Variants in PAPPA observed in about 807,000 individuals in gnomAD.
PAPPA encodes pappalysin 1.
In PAPPA, 60 loss-of-function variants were observed where a neutral mutation model predicts 164.0. The ratio of observed to expected loss-of-function variants is 0.37; its 90% CI spans 0.30 to 0.45. The LOEUF (loss-of-function observed/expected upper bound fraction) is 0.45. Among genes scored for constraint, PAPPA ranks in the 20% least tolerant of loss-of-function variants. The probability of loss-of-function intolerance (pLI) is 1.00; values close to 1 mark genes in which losing one functional copy is unlikely to be tolerated. For missense variants in PAPPA, 1,782 were observed against 2,087.3 expected (o/e 0.85, Z 2.85); for synonymous variants, 875 against 814.1 (o/e 1.07, Z -1.27).
rs189808358 is a variant in PAPPA at position 116,401,213 on chromosome 9, T to C, written c.*4597T>C. 1.3e-3 allele frequency: 193 copies of C among 152,696 alleles called. No homozygotes were observed. Among genetic ancestry groups the C allele is most frequent in the African/African-American group, 4.0e-3 (168 of 41,580 alleles). The allele number at this position is 152,696 out of a possible 1,614,324, so 9.5% of individuals were successfully genotyped here. A position where few individuals can be genotyped will look rare whatever the true frequency, so the allele number is the denominator to read the frequency against. ...CTTACCCTTTACCAGTTCTATAATT[T>C]GGTTAAAAGCTGATTATGTCCTACA... On this transcript the variant is annotated 3_prime_UTR_variant, in exon 22 of 22. Transcript: ENST00000328252.
intron 19 of PAPPA, among the ~76,000 whole-genome samples, chr9:116,372,825 T>C (rs1252295315): frequency 1.3e-5 from 2 of 152,206 alleles, no homozygotes; most frequent in African/African-American, 4.8e-5. Context: ...CAATTCTATA[T>C]ATGCCATTTC....
intron 21 of PAPPA, among the ~76,000 whole-genome samples, chr9:116,384,542 C>A (rs1295552368): frequency 1.3e-5 from 2 of 152,054 alleles, no homozygotes; most frequent in African/African-American, 4.8e-5. Context: ...GTGATGTATG[C>A]TAATTTATGT....
chr9:116,395,351 C>T (rs1162151036), intron 21 of PAPPA, among the ~76,000 whole-genome samples: 1 of 152,114 alleles, frequency 6.6e-6, no homozygotes, highest in Non-Finnish European at 1.5e-5. Flanking sequence ...AATGAGTCCA[C>T]AAGTACATGA....
At chr9:116,315,339 C>G (rs1161256659) in intron 10 of PAPPA, among the ~76,000 whole-genome samples, 1 of 152,176 alleles carries the variant, frequency 6.6e-6, no homozygotes, top group African/African-American at 2.4e-5. Flanking sequence ...ATAATCTATC[C>G]TCACCCCCGG....
chr9:116,274,170 A>C (rs1312787200), intron 9 of PAPPA, among the ~76,000 whole-genome samples: 1 of 152,132 alleles, frequency 6.6e-6, no homozygotes, highest in Non-Finnish European at 1.5e-5. Context: ...ATCACAAATT[A>C]ATGGAATGGA....
intron 9 of PAPPA, among the ~76,000 whole-genome samples, chr9:116,277,706 C>G (rs1845216874): frequency 6.6e-6 from 1 of 152,092 alleles, no homozygotes; most frequent in South Asian, 2.1e-4. Context: ...GAGACAGAAT[C>G]TCACTCTGTC....
At chr9:116,192,746 C>A (rs1844058546) in intron 2 of PAPPA, among the ~76,000 whole-genome samples, 1 of 152,192 alleles carries the variant, frequency 6.6e-6, no homozygotes, top group Non-Finnish European at 1.5e-5. Flanking sequence ...GGAGAATAGC[C>A]AGGGAGGCAG....
At chr9:116,261,045 A>C (rs1844994825) in intron 7 of PAPPA, among the ~76,000 whole-genome samples, 1 of 152,226 alleles carries the variant, frequency 6.6e-6, no homozygotes, top group Non-Finnish European at 1.5e-5. Context: ...CATGACAAAA[A>C]TATTGTGACT....
intron 9 of PAPPA, among the ~76,000 whole-genome samples, chr9:116,294,852 C>T (rs10513271): frequency 0.028 from 4,200 of 152,268 alleles, 201 homozygotes; most frequent in East Asian, 0.23. Flanking sequence ...AAGAGAATAT[C>T]ATAATGCCAA....
chr9:116,190,329 G>T (rs970617254), intron 2 of PAPPA, among the ~76,000 whole-genome samples: 34 of 152,140 alleles, frequency 2.2e-4, no homozygotes, highest in African/African-American at 8.0e-4. Context: ...CGATTTATTT[G>T]CTCATTCATT....
At chr9:116,302,713 A>G (rs1845594137) in intron 9 of PAPPA, 44 bp from the exon 10 acceptor site, 1 of 1,538,322 alleles carries the variant, frequency 6.5e-7, no homozygotes, top group Non-Finnish European at 8.9e-7. Context: ...GCCAAAGAAC[A>G]AATATTTATT....
intron 2 of PAPPA, among the ~76,000 whole-genome samples, chr9:116,192,365 A>G (rs2118640743): frequency 6.6e-6 from 1 of 152,304 alleles, no homozygotes; most frequent in South Asian, 2.1e-4. Context: ...AGGGGTTATT[A>G]TGGCTGAGAT....
rs1304448108 is a variant in PAPPA at position 116,235,622 on chromosome 9, G to A, written c.2717G>A (p.Arg906Lys). The A allele has an allele frequency of 6.2e-7, 1 of 1,613,182 alleles. No individual in the cohort carries two copies. Residue 906 changes from arginine to lysine, a missense_variant, in exon 7 of 22, where the codon AGG becomes AAG. This residue lies in a region of PAPPA where 1,324 missense variants were observed against 1,656.9 expected (regional missense o/e 0.80). Coordinates refer to ENST00000328252, the MANE Select transcript of PAPPA (RefSeq NM_002581.5). ...MDVASILHLN[R>K]KFVDMDLNLG... Reference sequence around the variant, plus strand: ...GTGGCCTCCATCCTACATCTCAATAGGAAATTCGTAGACATGTAAGTGCAT... The same window carrying A: ...GTGGCCTCCATCCTACATCTCAATAAGAAATTCGTAGACATGTAAGTGCAT...
intron 7 of PAPPA, among the ~76,000 whole-genome samples, chr9:116,247,060 G>A (rs1361088029): frequency 1.3e-5 from 2 of 151,898 alleles, no homozygotes; most frequent in Admixed American, 6.6e-5. Context: ...AATAAATGTT[G>A]TTACCTTGGG....
chr9:116,392,454 T>C (rs970421091), intron 21 of PAPPA, among the ~76,000 whole-genome samples: 1 of 152,140 alleles, frequency 6.6e-6, no homozygotes, highest in Non-Finnish European at 1.5e-5. Context: ...CCCAAGGTGG[T>C]GCAGAGTCAG....
intron 10 of PAPPA, among the ~76,000 whole-genome samples, chr9:116,317,708 G>T (rs988469084): frequency 2.0e-5 from 3 of 152,078 alleles, no homozygotes; most frequent in African/African-American, 7.2e-5. Flanking sequence ...CAATGCCTCG[G>T]GCCCTGAAAT....
At chr9:116,362,518 G>T in intron 17 of PAPPA, 74 bp from the exon 18 acceptor site, 1 of 1,479,400 alleles carries the variant, frequency 6.8e-7, no homozygotes, top group South Asian at 1.3e-5. Flanking sequence ...ATTCTTTTCT[G>T]TTGTATTCAG....
intron 2 of PAPPA, among the ~76,000 whole-genome samples, chr9:116,199,906 TAG>T (rs960046277): frequency 2.0e-5 from 3 of 151,890 alleles, no homozygotes; most frequent in Non-Finnish European, 4.4e-5. Flanking sequence ...GGGGAGACGA[TAG>T]AGTCTTTTTA....
intron 2 of PAPPA, among the ~76,000 whole-genome samples, chr9:116,189,406 A>G (rs2118634349): frequency 6.6e-6 from 1 of 152,334 alleles, no homozygotes; most frequent in East Asian, 1.9e-4. Context: ...ACACAATAAA[A>G]TTTACCTGAA....
Sources: gnomAD v4.1 joint callset for allele counts (sites outside exome capture counted in the v4.1 genomes callset) on GRCh38, gnomAD v4.1.1 for gene constraint, gnomAD v4.1.1 regional missense constraint, MANE v1.5 for transcripts, NCBI Gene and HGNC (gene_info 2026-07-23, HGNC 2026-07-21) for gene names.